RARB: variants seen among roughly 807,000 people sequenced by gnomAD.
RARB encodes retinoic acid receptor beta.
Under a neutral mutation model 51.9 loss-of-function variants are expected in RARB, and 17 were observed. The ratio of observed to expected loss-of-function variants is 0.33; its 90% CI spans 0.22 to 0.49. The LOEUF (loss-of-function observed/expected upper bound fraction) is 0.49, where lower values mean the gene tolerates loss of function less well. RARB is among the 20% of genes least tolerant of loss of function. The probability of loss-of-function intolerance (pLI) is 0.99; values close to 1 mark genes in which losing one functional copy is unlikely to be tolerated. For synonymous variants in RARB, 215 were observed against 195.4 expected (o/e 1.10, Z -0.84); for missense variants, 369 against 550.8 (o/e 0.67, Z 3.30).
At chr3:24,919,072 G>A (rs112790779) in intron 2 of RARB, among the ~76,000 whole-genome samples, 7 of 152,094 alleles carry the variant, frequency 4.6e-5, no homozygotes, top group South Asian at 2.1e-4. Context: ...ATAGCAATAA[G>A]AGTATGTCCC....
At chr3:25,454,756 C>T (rs1694820321) in intron 1 of RARB, among the ~76,000 whole-genome samples, 1 of 151,914 alleles carries the variant, frequency 6.6e-6, no homozygotes, top group Admixed American at 6.6e-5. Flanking sequence ...TAGAAAAATG[C>T]CAAGCATGTA....
At chr3:25,148,321 G>A (rs1482906356) in intron 4 of RARB, among the ~76,000 whole-genome samples, 3 of 152,154 alleles carry the variant, frequency 2.0e-5, no homozygotes, top group African/African-American at 4.8e-5. Context: ...CATTTTTAAA[G>A]AACATATGTG....
chr3:25,538,940 G>A (rs1699253021), intron 3 of RARB, among the ~76,000 whole-genome samples: 1 of 152,194 alleles, frequency 6.6e-6, no homozygotes, highest in Non-Finnish European at 1.5e-5. Context: ...CATTTTCCAA[G>A]ATACTACTCT....
rs555453231 is a variant in RARB, at chr3:24,956,971, G to T, written c.-380+98219G>T. 2.1e-4 allele frequency among the ~76,000 whole-genome samples: 32 copies of T among 152,312 alleles called. No homozygotes were observed. In the South Asian group the frequency reaches 2.3e-3, roughly 11 times the overall value. On this transcript the variant is annotated intron_variant, in intron 2 of 11. Coordinates refer to the RARB transcript ENST00000383772. ...TCCCTCTGAGTTACGGAGTCGAGATGCTATTTTGAATTGTTCAGAATTGAG... is the reference window on the plus strand; with the variant it reads ...TCCCTCTGAGTTACGGAGTCGAGATTCTATTTTGAATTGTTCAGAATTGAG...
Position 24,990,514 on chromosome 3 carries a change from C to T in RARB, c.-379-69611C>T, listed in dbSNP as rs570846543. 5.3e-4 allele frequency among the ~76,000 whole-genome samples: 57 copies of T among 107,266 alleles called. 15 individuals carry two copies. Among genetic ancestry groups the T allele is most frequent in the African/African-American group, 2.1e-3 (57 of 27,566 alleles). 70.4% of individuals were successfully genotyped at this position (107,266 alleles called of 152,430 possible). A position where few individuals can be genotyped will look rare whatever the true frequency, so the allele number is the denominator to read the frequency against. On this transcript the variant is annotated intron_variant, in intron 2 of 11. Coordinates refer to the RARB transcript ENST00000383772. ...TGTTTTATTTTTATATTTTTAATTT[C>T]ATCTGAGATTATTAAATATAATGTG...
At chr3:25,530,175 T>C (rs1365112619) in intron 3 of RARB, among the ~76,000 whole-genome samples, 2 of 152,164 alleles carry the variant, frequency 1.3e-5, no homozygotes, top group Non-Finnish European at 2.9e-5. Context: ...TGGCACATCA[T>C]AGGAGTTCAG....
At chr3:25,053,783 A>G (rs905074520) in intron 2 of RARB, among the ~76,000 whole-genome samples, 1 of 152,168 alleles carries the variant, frequency 6.6e-6, no homozygotes, top group Non-Finnish European at 1.5e-5. Context: ...CAAATCAGTT[A>G]CGGAACTGGA....
chr3:24,959,926 C>T (rs1349068313), intron 2 of RARB, among the ~76,000 whole-genome samples: 1 of 152,192 alleles, frequency 6.6e-6, no homozygotes, highest in African/African-American at 2.4e-5. Context: ...TTCAGAGAAG[C>T]TTGGAGACTT....
chr3:25,476,264 A>T (rs1013309911), intron 2 of RARB, among the ~76,000 whole-genome samples: 4 of 152,292 alleles, frequency 2.6e-5, no homozygotes, highest in Non-Finnish European at 4.4e-5. Context: ...CTTCTGCTCT[A>T]AGAATTACAA....
intron 2 of RARB, among the ~76,000 whole-genome samples, chr3:25,033,119 A>G (rs1188251820): frequency 6.6e-6 from 1 of 152,204 alleles, no homozygotes; most frequent in Admixed American, 6.5e-5. Context: ...TGTTTTTAAA[A>G]TGGAGAGACA....
chr3:24,955,680 A>G lies in RARB; in HGVS notation c.-380+96928A>G, dbSNP rs187879322. ...ATTACCCTAATGTGCGCAAGCTTAT[A>G]TGCCCTTTTTTTTAGGGGGTGGAAG... On this transcript the variant is annotated intron_variant, in intron 2 of 11. Coordinates refer to the RARB transcript ENST00000383772. Among the ~76,000 whole-genome samples the G allele has an allele frequency of 4.0e-4, 61 of 152,314 alleles. No individual in the cohort carries two copies. In the East Asian group the frequency reaches 0.011, roughly 27 times the overall value.
At chr3:25,011,684 C>G (rs560418870) in intron 2 of RARB, among the ~76,000 whole-genome samples, 1 of 152,198 alleles carries the variant, frequency 6.6e-6, no homozygotes, top group East Asian at 1.9e-4. Context: ...CTCCTCAGCT[C>G]TTATCTCATA....
At position 25,580,526 on chromosome 3, in the gene RARB, A is replaced by T. The variant is rs1701130181; in HGVS notation, c.610-20A>T. 4 of 1,547,020 alleles carry T rather than the reference A, an allele frequency of 2.6e-6. No homozygotes were observed. Among genetic ancestry groups the T allele is most frequent in the Non-Finnish European group, 3.5e-6 (4 of 1,131,330 alleles). ...AGCTTCCCGGAAACTGTATCTGATG[A>T]CATTTTCTCTCTCTCCTAGAATTCC... On this transcript the variant is annotated intron_variant, in intron 4 of 7. Transcript: ENST00000330688.
At chr3:24,903,676 G>C (rs1694779288) in intron 2 of RARB, among the ~76,000 whole-genome samples, 1 of 152,074 alleles carries the variant, frequency 6.6e-6, no homozygotes, top group Non-Finnish European at 1.5e-5. Flanking sequence ...TGTCTTTAGG[G>C]CTTTAAGATC....
intron 5 of RARB, among the ~76,000 whole-genome samples, chr3:25,185,829 A>T (rs1232808858): frequency 6.6e-6 from 1 of 152,164 alleles, no homozygotes; most frequent in Non-Finnish European, 1.5e-5. Context: ...CAAATCAAAG[A>T]ATTCGTATGC....
rs149943864 is a variant in RARB, at chr3:25,184,832, C to T, written c.178+10257C>T. 3.2e-3 allele frequency among the ~76,000 whole-genome samples: 491 copies of T among 151,872 alleles called. 2 individuals carry two copies. Among genetic ancestry groups the T allele is most frequent in the Non-Finnish European group, 5.1e-3 (350 of 67,962 alleles). On this transcript the variant is annotated intron_variant, in intron 5 of 11. Transcript: ENST00000383772. Reference sequence around the variant, plus strand: ...ACTTAAGCTCAGGAGTTAGAGACCACGCTGAGCTGTGATGACATCTTGGCA... The same window carrying T: ...ACTTAAGCTCAGGAGTTAGAGACCATGCTGAGCTGTGATGACATCTTGGCA...
At chr3:25,547,618 C>T (rs747173613) in intron 3 of RARB, among the ~76,000 whole-genome samples, 13 of 152,212 alleles carry the variant, frequency 8.5e-5, no homozygotes, top group Non-Finnish European at 1.6e-4. Context: ...TCATCCTTCT[C>T]ACCCTGTGTA....
intron 2 of RARB, among the ~76,000 whole-genome samples, chr3:24,950,335 C>T (rs1474441405): frequency 6.6e-6 from 1 of 152,140 alleles, no homozygotes; most frequent in Non-Finnish European, 1.5e-5. Context: ...ACATGTTCTT[C>T]ACATAATTAT....
At chr3:24,970,969 T>G (rs1298965416) in intron 2 of RARB, among the ~76,000 whole-genome samples, 1 of 152,042 alleles carries the variant, frequency 6.6e-6, no homozygotes, top group African/African-American at 2.4e-5. Flanking sequence ...TTCAACTAAC[T>G]GCTCACCCTG....
Sources: allele counts gnomAD v4.1 joint callset (sites outside exome capture counted in the v4.1 genomes callset), GRCh38; gene constraint gnomAD v4.1.1; transcripts MANE v1.5; gene names NCBI Gene and HGNC (gene_info 2026-07-23, HGNC 2026-07-21).